FAM153A: variants seen among roughly 807,000 people sequenced by gnomAD.
FAM153A encodes the protein protein FAM153A.
Under a neutral mutation model 48.1 loss-of-function variants are expected in FAM153A, and 12 were observed. The observed-to-expected ratio is 0.25, with a 90% CI of 0.16 to 0.40. The LOEUF is 0.40. Ranked by LOEUF, FAM153A falls within the 10% of genes least tolerant of loss-of-function variation. The pLI, the probability that FAM153A is intolerant of heterozygous loss-of-function variation, is 1.00. For synonymous variants in FAM153A, 36 were observed against 118.2 expected, an observed-to-expected ratio of 0.30 and a Z score of 4.51; for missense variants, 111 against 345.8, an observed-to-expected ratio of 0.32 and a Z score of 5.38.
At chr5:177,701,047 G>T in the FAM153A span, among the ~76,000 whole-genome samples, 5 of 151,696 alleles carry the variant, frequency 3.3e-5, no homozygotes, top group Non-Finnish European at 5.9e-5. Flanking sequence ...CCCCTTGGTG[G>T]TGGTCTCGTG....
intron 1 of FAM153A, among the ~76,000 whole-genome samples, chr5:177,760,051 A>G (rs1348107963): frequency 6.7e-6 from 1 of 149,304 alleles, no homozygotes; most frequent in African/African-American, 2.5e-5. Flanking sequence ...GGTGGTTAAC[A>G]GAATTTGGGA....
intron 18 of FAM153A, among the ~76,000 whole-genome samples, chr5:177,728,709 A>T (rs1405407057): frequency 6.6e-6 from 1 of 150,580 alleles, no homozygotes; most frequent in Non-Finnish European, 1.5e-5. Flanking sequence ...CTGGGATTGC[A>T]GGCATGTGAC....
chr5:177,711,615 A>G (rs1393503347), exon 27 of FAM153A: 1 of 151,962 alleles, frequency 6.6e-6, no homozygotes, highest in Non-Finnish European at 1.5e-5. Context: ...ATAAATGTGA[A>G]TGATGTCTTA....
intron 14 of FAM153A, among the ~76,000 whole-genome samples, 157 bp from the exon 17 acceptor site, chr5:177,732,257 C>G (rs1582350865): frequency 1.9e-5 from 2 of 106,666 alleles, no homozygotes; most frequent in East Asian, 7.4e-4. Context: ...AGAGGGAAGG[C>G]AAATGGTGAA....
chr5:177,769,815 C>T lies in FAM153A; in HGVS notation c.-57+10634G>A, dbSNP rs369737382. On this transcript the variant is annotated intron_variant, in intron 1 of 8. Coordinates refer to the FAM153A transcript ENST00000393518. ...AAAGATCACTCCTTTAAGAGCTTAT[C>T]CACTCGGAACCACGCCTCACATTCA... Among the ~76,000 whole-genome samples, 2 of 96,720 alleles carry T rather than the reference C, an allele frequency of 2.1e-5. 1 individual carries two copies. Among genetic ancestry groups the T allele is most frequent in the African/African-American group, 8.2e-5 (2 of 24,398 alleles). The allele number at this position is 96,720 out of a possible 152,430, so 63.5% of individuals were successfully genotyped here.
At chr5:177,763,944 G>A (rs1354875557) in intron 1 of FAM153A, among the ~76,000 whole-genome samples, 1 of 151,476 alleles carries the variant, frequency 6.6e-6, no homozygotes, top group African/African-American at 2.4e-5. Flanking sequence ...TCGGCCCAGA[G>A]TAAACAGCTG....
At chr5:177,757,764 G>A (rs12653768), upstream of FAM153A, among the ~76,000 whole-genome samples, 4 of 151,306 alleles carry the variant, frequency 2.6e-5, no homozygotes, top group Admixed American at 6.6e-5. Context: ...AAGGCCTTTG[G>A]CAAAATTCAA....
At chr5:177,781,180 G>T (rs1769607347), upstream of FAM153A, among the ~76,000 whole-genome samples, 1 of 111,742 alleles carries the variant, frequency 8.9e-6, no homozygotes, top group Non-Finnish European at 1.8e-5. Flanking sequence ...CTCACTGCAA[G>T]CTCCCCCTCC....
chr5:177,705,934 A>T (rs1184524022), downstream of FAM153A, among the ~76,000 whole-genome samples: 1 of 151,756 alleles, frequency 6.6e-6, no homozygotes, highest in Non-Finnish European at 1.5e-5. Context: ...CTGGGATTAT[A>T]GGCGTGAGCC....
upstream of FAM153A, among the ~76,000 whole-genome samples, chr5:177,756,527 A>T (rs1475383652): frequency 2.4e-3 from 330 of 138,966 alleles, 3 homozygotes; most frequent in African/African-American, 8.0e-3. Flanking sequence ...AATCAACAGA[A>T]TATACGTTCT....
chr5:177,752,179 AAACT>A (rs1766996063), intron 1 of FAM153A, among the ~76,000 whole-genome samples: 1 of 44,288 alleles, frequency 2.3e-5, no homozygotes, highest in African/African-American at 9.9e-5. Context: ...AGGACATTCC[AAACT>A]AACTACCACT....
chr5:177,722,057 T>C (rs1180117639), downstream of FAM153A: 1 of 150,290 alleles, frequency 6.7e-6, no homozygotes, highest in South Asian at 2.1e-4. Context: ...AAGAAAAAAA[T>C]GTAAAATGGA....
At chr5:177,728,356 CGTGTT>C (rs1763012611) in intron 18 of FAM153A, among the ~76,000 whole-genome samples, 2 of 149,608 alleles carry the variant, frequency 1.3e-5, no homozygotes, top group South Asian at 4.2e-4. Flanking sequence ...CATTGATCCT[CGTGTT>C]GTGCTTTGAA....
downstream of FAM153A, among the ~76,000 whole-genome samples, chr5:177,703,334 T>G (rs1357775457): frequency 6.6e-6 from 1 of 151,960 alleles, no homozygotes; most frequent in Admixed American, 6.5e-5. Flanking sequence ...TGTAGCCCCT[T>G]TGTTTTGGTT....
At chr5:177,728,634 C>G (rs1561894841) in intron 18 of FAM153A, among the ~76,000 whole-genome samples, 1 of 150,398 alleles carries the variant, frequency 6.6e-6, no homozygotes, top group Non-Finnish European at 1.5e-5. Flanking sequence ...ATGGCACAAC[C>G]TTGGCTCACC....
chr5:177,763,636 C>CA, intron 1 of FAM153A, 126 bp from the exon 4 acceptor site: 1 of 151,856 alleles, frequency 6.6e-6, no homozygotes, highest in Middle Eastern at 3.4e-3. Context: ...TGACAGCCAT[C>CA]AAAAACTGTT....
upstream of FAM153A, among the ~76,000 whole-genome samples, chr5:177,755,822 G>A (rs980857042): frequency 1.0e-4 from 15 of 150,134 alleles, no homozygotes; most frequent in African/African-American, 3.7e-4. Flanking sequence ...CCCTACAAGA[G>A]CTCCTAAAGG....
chr5:177,709,331 C>T (rs1160814478), downstream of FAM153A, among the ~76,000 whole-genome samples: 10 of 129,620 alleles, frequency 7.7e-5, no homozygotes, highest in Middle Eastern at 4.6e-3. Flanking sequence ...ACAGGAAAAA[C>T]GAGATATTTG....
chr5:177,725,755 C>T, intron 18 of FAM153A, among the ~76,000 whole-genome samples: 1 of 151,772 alleles, frequency 6.6e-6, no homozygotes, highest in Non-Finnish European at 1.5e-5. Context: ...GCCCTGGGCC[C>T]AGTGGATTCC....
Sources: allele counts gnomAD v4.1 joint callset (sites outside exome capture counted in the v4.1 genomes callset), GRCh38; gene constraint gnomAD v4.1.1; transcripts MANE v1.5; gene names NCBI Gene and HGNC (gene_info 2026-07-23, HGNC 2026-07-21).